The following ZNF746 variants were observed in gnomAD, a reference collection of about 807,000 sequenced individuals.
The protein encoded by ZNF746 is zinc finger protein 746.
In ZNF746, 13 loss-of-function variants were observed where a neutral mutation model predicts 41.0. That is an observed-to-expected ratio of 0.32 (90% CI 0.21 to 0.50). The LOEUF (loss-of-function observed/expected upper bound fraction) is 0.50, where lower values mean the gene tolerates loss of function less well. ZNF746 is among the 20% of genes least tolerant of loss of function. The pLI is 0.98. For missense variants in ZNF746, 811 were observed against 922.9 expected, an observed-to-expected ratio of 0.88 and a Z score of 1.57; for synonymous variants, 424 against 396.2, an observed-to-expected ratio of 1.07 and a Z score of -0.83.
intron 4 of ZNF746, among the ~76,000 whole-genome samples, chr7:149,479,748 GAGTAGGCTGGGTAC>G (rs2116648699): frequency 6.6e-6 from 1 of 152,290 alleles, no homozygotes; most frequent in South Asian, 2.1e-4. Context: ...TAAAATTGCT[GAGTAGGCTGGGTAC>G]AGTGGCTCAT....
intron 4 of ZNF746, among the ~76,000 whole-genome samples, chr7:149,478,439 T>C (rs943049124): frequency 6.6e-6 from 1 of 152,128 alleles, no homozygotes; most frequent in Non-Finnish European, 1.5e-5. Flanking sequence ...CCATAAAAAC[T>C]TGGAATCCCA....
chr7:149,477,590 C>T lies in ZNF746; in HGVS notation c.731G>A (p.Gly244Glu). 1 of 1,612,642 alleles carries T rather than the reference C, an allele frequency of 6.2e-7. No homozygotes were observed. Among genetic ancestry groups the T allele is most frequent in the Non-Finnish European group, 8.5e-7 (1 of 1,178,986 alleles). The part of the protein sequence containing the change: ...WGLSQLDSGA[G>E]DISTDATSGV... Reference sequence around the variant, plus strand: ...AGAGGTGGCATCCGTGGAGATGTCTCCTGCTCCGGAATCCAGCTGGCTGAG... The same window carrying T: ...AGAGGTGGCATCCGTGGAGATGTCTTCTGCTCCGGAATCCAGCTGGCTGAG... The change falls in exon 5 of 7, where the codon GGA (glycine) becomes GAA (glutamate). Residue 244 changes from glycine to glutamate, a missense_variant. By Grantham distance (98) the Gly-to-Glu change is moderately conservative. This residue lies in a region of ZNF746 where 495 missense variants were observed against 481.6 expected (regional missense o/e 1.03). Coordinates refer to ENST00000458143, the MANE Select transcript of ZNF746 (RefSeq NM_001394198.1).
intron 4 of ZNF746, among the ~76,000 whole-genome samples, chr7:149,481,134 T>C (rs1394408351): frequency 6.6e-6 from 1 of 152,192 alleles, no homozygotes; most frequent in East Asian, 1.9e-4. Context: ...GATGGCAGAT[T>C]CTCAATAGCA....
chr7:149,475,034 C>T lies in ZNF746; in HGVS notation c.1333G>A (p.Gly445Ser), dbSNP rs955275977. The change falls in exon 7 of 7, where the codon GGC (glycine) becomes AGC (serine). Residue 445 changes from glycine to serine, a missense_variant. Gly to Ser is a moderately conservative substitution (Grantham distance 56). Around this residue, in one of 4 missense-constraint regions of ZNF746, gnomAD observed 495 missense variants for 481.6 expected, o/e 1.03. Transcript: ENST00000458143. ...TTGTGGCCAAAGCCTTTGGTCCGGC[C>T]AGGGTATTTACAGGGTTCGTTGAAT... ...RPFNEPCKYPGRTKGFGHKPG... is the reference protein window; with the variant it reads ...RPFNEPCKYPSRTKGFGHKPG... The T allele has an allele frequency of 6.4e-7, 1 of 1,564,078 alleles. No individual in the cohort carries two copies. Among genetic ancestry groups the T allele is most frequent in the East Asian group, 2.3e-5 (1 of 43,074 alleles).
intron 4 of ZNF746, 77 bp from the exon 5 acceptor site, chr7:149,477,832 G>C (rs1344099288): frequency 6.7e-5 from 85 of 1,273,336 alleles, no homozygotes; most frequent in Non-Finnish European, 3.2e-6. Context: ...CAGCCGGAGA[G>C]ATAGACACAG....
intron 6 of ZNF746, 57 bp from the exon 7 acceptor site, chr7:149,475,540 G>C (rs188641261): frequency 3.2e-6 from 5 of 1,546,886 alleles, no homozygotes; most frequent in East Asian, 4.5e-5. Flanking sequence ...AGCGAGCCAC[G>C]ATCTGCCACC....
intron 4 of ZNF746, among the ~76,000 whole-genome samples, chr7:149,484,808 T>C (rs1800575610): frequency 6.6e-6 from 1 of 152,042 alleles, no homozygotes; most frequent in African/African-American, 2.4e-5. Context: ...TAATGAAAAT[T>C]TTAGTAGGGT....
chr7:149,494,809 G>T lies in ZNF746; in HGVS notation c.25-306C>A, dbSNP rs542822119. Among the ~76,000 whole-genome samples, 3 of 152,078 alleles carry T rather than the reference G, an allele frequency of 2.0e-5. No homozygotes were observed. The highest frequency in any genetic ancestry group is 7.2e-5 in the African/African-American group (3 of 41,508). On this transcript the variant is annotated intron_variant, in intron 1 of 6. Transcript: ENST00000458143. This position sits in a 1 kb window ranked among gnomAD's most constrained non-coding sequence, Gnocchi z 5.6. The stretch of plus-strand genomic sequence containing the variant: ...CTGTGGGCTCCCTGAACATGGTATT[G>T]CATCTTTTCATACCACTGTCCTTGA...
At chr7:149,495,024 A>T (rs541393766) in intron 1 of ZNF746, among the ~76,000 whole-genome samples, 1 of 152,196 alleles carries the variant, frequency 6.6e-6, no homozygotes, top group South Asian at 2.1e-4. Context: ...AACGGCACAA[A>T]CAAGAGTATT....
chr7:149,474,819 A>ACCGCTGCCGCCACCGCCGCCGCCACTG lies in ZNF746; in HGVS notation c.1521_1547dup (p.Ser508_Gly516dup), dbSNP rs753672112. On this transcript the variant is annotated inframe_insertion, in exon 7 of 7. Coordinates refer to ENST00000458143, the MANE Select transcript of ZNF746 (RefSeq NM_001394198.1). The surrounding 1 kb of genome is among the most constrained non-coding windows in gnomAD (Gnocchi z 6.3). ...CGCTGCCATCCCGTGCGCTGCCCCC[A>ACCGCTGCCGCCACCGCCGCCGCCACTG]CCGCTGCCGCCACCGCCGCCGCCAC... The ACCGCTGCCGCCACCGCCGCCGCCACTG allele has an allele frequency of 1.6e-5, 23 of 1,439,108 alleles. No individual in the cohort carries two copies. Among genetic ancestry groups the ACCGCTGCCGCCACCGCCGCCGCCACTG allele is most frequent in the East Asian group, 2.8e-5 (1 of 35,848 alleles). 89.1% of individuals were successfully genotyped at this position (1,439,108 alleles called of 1,614,324 possible). A position where few individuals can be genotyped will look rare whatever the true frequency, so the allele number is the denominator to read the frequency against.
chr7:149,483,172 ATCTGAG>A (rs1485725690), intron 4 of ZNF746, among the ~76,000 whole-genome samples: 2 of 152,218 alleles, frequency 1.3e-5, no homozygotes, highest in Non-Finnish European at 2.9e-5. Flanking sequence ...TTTCTAAATA[ATCTGAG>A]TCTAAGAAAA....
In ZNF746 at chr7:149,474,387, C is replaced by T. The variant is rs750165699; in HGVS notation, c.1980G>A (p.Met660Ile). ...SVLGPTDGGD[M>I] Reference sequence around the variant, plus strand: ...GGGGCTATGGGGCTGGAGGCGCTCACATGTCCCCGCCATCGGTGGGTCCCA... The same window carrying T: ...GGGGCTATGGGGCTGGAGGCGCTCATATGTCCCCGCCATCGGTGGGTCCCA... The change falls in exon 7 of 7, where the codon ATG (methionine) becomes ATA (isoleucine). Residue 660 changes from methionine (M) to isoleucine (I), a missense_variant. Physicochemically the swap from Met to Ile is conservative, Grantham distance 10 (BLOSUM62 1). Coordinates refer to ENST00000458143, the MANE Select transcript of ZNF746 (RefSeq NM_001394198.1). The surrounding 1 kb of genome is among the most constrained non-coding windows in gnomAD (Gnocchi z 6.3). 1 of 1,604,108 alleles carries T rather than the reference C, an allele frequency of 6.2e-7. No homozygotes were observed. The highest frequency in any genetic ancestry group is 1.1e-5 in the South Asian group (1 of 89,102).
chr7:149,485,985 G>A (rs1800611955), intron 4 of ZNF746, among the ~76,000 whole-genome samples: 1 of 152,174 alleles, frequency 6.6e-6, no homozygotes, highest in Non-Finnish European at 1.5e-5. Context: ...GTTGCAGTGA[G>A]CCAAGATTGC....
chr7:149,485,165 AAAG>A (rs984408627), intron 4 of ZNF746, among the ~76,000 whole-genome samples: 6 of 151,876 alleles, frequency 4.0e-5, no homozygotes, highest in African/African-American at 7.2e-5. Flanking sequence ...AAAAAAAAAA[AAAG>A]AACCTAGGAA....
chr7:149,474,459 C>T lies in ZNF746; in HGVS notation c.1908G>A (p.Leu636=). 1 of 1,611,696 alleles carries T rather than the reference C, an allele frequency of 6.2e-7. No individual in the cohort carries two copies. Among genetic ancestry groups the T allele is most frequent in the East Asian group, 2.2e-5 (1 of 44,800 alleles). The change falls in exon 7 of 7, where the codon TTG becomes TTA. Residue 636 remains leucine, a synonymous_variant. Coordinates refer to ENST00000458143, the MANE Select transcript of ZNF746 (RefSeq NM_001394198.1). This position sits in a 1 kb window ranked among gnomAD's most constrained non-coding sequence, Gnocchi z 6.3. The part of the protein sequence containing the change: ...PFKSPASKGP[L]ASTDLVTDWT... Reference sequence around the variant, plus strand: ...AGTCGGTCACAAGGTCTGTGGAGGCCAAAGGTCCTTTGGAGGCGGGGCTCT... The same window carrying T: ...AGTCGGTCACAAGGTCTGTGGAGGCTAAAGGTCCTTTGGAGGCGGGGCTCT...
At chr7:149,487,081 T>A (rs574860301) in intron 4 of ZNF746, among the ~76,000 whole-genome samples, 97 of 152,194 alleles carry the variant, frequency 6.4e-4, no homozygotes, top group Non-Finnish European at 1.2e-3. Context: ...GTGGTGGCAT[T>A]AGAGTCTAAC....
In ZNF746 at chr7:149,492,903, C is replaced by T. The variant is rs374212094; in HGVS notation, c.521G>A (p.Arg174His). ...AACATCTGGAATCTTGGGGCCAGGG[C>T]GGCGCCAGTTGCAGGGCTCCTTCCC... is the stretch of plus-strand genomic sequence containing the variant. ...EQGKEPCNWR[R>H]PGPKIPDVPV... Residue 174 changes from arginine (R) to histidine (H), a missense_variant, in exon 4 of 7, where the codon CGC becomes CAC. Physicochemically the swap from Arg to His is conservative, Grantham distance 29. Coordinates refer to ENST00000458143, the MANE Select transcript of ZNF746 (RefSeq NM_001394198.1). The T allele has an allele frequency of 8.7e-6, 14 of 1,613,952 alleles. No individual in the cohort carries two copies. Among genetic ancestry groups the T allele is most frequent in the South Asian group, 7.7e-5 (7 of 91,068 alleles).
At chr7:149,478,807 T>C (rs1430157359) in intron 4 of ZNF746, among the ~76,000 whole-genome samples, 2 of 152,092 alleles carry the variant, frequency 1.3e-5, no homozygotes, top group Non-Finnish European at 2.9e-5. Flanking sequence ...GAACAGCAAA[T>C]TATTTTGAAA....
In ZNF746 at chr7:149,474,741, G is replaced by C; in HGVS notation, c.1626C>G (p.Ile542Met). 6.2e-7 allele frequency: 1 copy of C among 1,606,744 alleles called. No individual in the cohort carries two copies. The highest frequency in any genetic ancestry group is 8.5e-7 in the Non-Finnish European group (1 of 1,178,308). ...CGCCGGTGTGCAGCATGCGATGGCGGATGAGGTGCGCGGGGCGCGTGAAGC... is the reference window on the plus strand; with the variant it reads ...CGCCGGTGTGCAGCATGCGATGGCGCATGAGGTGCGCGGGGCGCGTGAAGC... ...GRCFTRPAHL[I>M]RHRMLHTGER... Residue 542 changes from isoleucine (I) to methionine (M), a missense_variant, in exon 7 of 7, where the codon ATC (isoleucine) becomes ATG (methionine). Ile to Met is a conservative substitution (Grantham distance 10). Coordinates refer to ENST00000458143, the MANE Select transcript of ZNF746 (RefSeq NM_001394198.1). This position sits in a 1 kb window ranked among gnomAD's most constrained non-coding sequence, Gnocchi z 6.3.
Sources: gnomAD v4.1 joint callset for allele counts (sites outside exome capture counted in the v4.1 genomes callset) on GRCh38, gnomAD v4.1.1 for gene constraint, gnomAD v4.1.1 regional missense constraint, Gnocchi (gnomAD v3.1) non-coding constraint, MANE v1.5 for transcripts, NCBI Gene and HGNC (gene_info 2026-07-23, HGNC 2026-07-21) for gene names.